Variants in SSBP2 observed in about 807,000 individuals in gnomAD.
SSBP2 encodes single stranded DNA binding protein 2.
SSBP2 carries 17 observed loss-of-function variants against 61.8 expected under a neutral mutation model. That is an observed-to-expected ratio of 0.28 (90% CI 0.19 to 0.41). SSBP2 has a LOEUF of 0.41. Ranked by LOEUF, SSBP2 falls within the 10% of genes least tolerant of loss-of-function variation. The pLI is 1.00. For missense variants in SSBP2, 310 were observed against 458.7 expected, an observed-to-expected ratio of 0.68 and a Z score of 2.96; for synonymous variants, 139 against 141.3, an observed-to-expected ratio of 0.98 and a Z score of 0.12.
intron 4 of SSBP2, among the ~76,000 whole-genome samples, chr5:81,540,651 G>A (rs887219533): frequency 2.7e-4 from 41 of 152,070 alleles, no homozygotes; most frequent in African/African-American, 9.4e-4. Flanking sequence ...TATGTACATT[G>A]TTTCTTTAGG....
In SSBP2 at chr5:81,640,832, C is replaced by A. The variant is rs569016187; in HGVS notation, c.136-4214G>T. On this transcript the variant is annotated intron_variant, in intron 2 of 16. Transcript: ENST00000320672. ...ATCCTTCTCTCAAACTTTTCTCTTA[C>A]CACTTTTTCACTAGTTGGTATCTTC... 2.1e-4 allele frequency among the ~76,000 whole-genome samples: 32 copies of A among 152,210 alleles called. No homozygotes were observed. The South Asian group carries it at 5.6e-3, about 27-fold the overall frequency.
intron 10 of SSBP2, among the ~76,000 whole-genome samples, chr5:81,451,851 C>T (rs1171471582): frequency 2.0e-5 from 3 of 151,106 alleles, no homozygotes; most frequent in African/African-American, 7.4e-5. Context: ...CAATTTTTTG[C>T]CCCGTCAAGC....
At chr5:81,467,673 T>C (rs1395576960) in intron 8 of SSBP2, among the ~76,000 whole-genome samples, 8 of 152,028 alleles carry the variant, frequency 5.3e-5, no homozygotes, top group Admixed American at 5.2e-4. Context: ...TTTTAACATG[T>C]ACATGTTATT....
chr5:81,600,247 T>G (rs1364630154), intron 4 of SSBP2, among the ~76,000 whole-genome samples: 1 of 152,088 alleles, frequency 6.6e-6, no homozygotes, highest in South Asian at 2.1e-4. Flanking sequence ...TTTACAAAGC[T>G]AAAGATCCTA....
At chr5:81,564,071 T>C (rs1426762219) in intron 4 of SSBP2, among the ~76,000 whole-genome samples, 1 of 151,988 alleles carries the variant, frequency 6.6e-6, no homozygotes, top group Admixed American at 6.6e-5. Flanking sequence ...ATGACCCAAT[T>C]AAAACGTGGG....
intron 1 of SSBP2, among the ~76,000 whole-genome samples, chr5:81,676,963 A>G (rs1363545570): frequency 6.6e-6 from 1 of 152,160 alleles, no homozygotes; most frequent in Non-Finnish European, 1.5e-5. Flanking sequence ...TCATAACTCT[A>G]TCAGAAAAAT....
At chr5:81,478,764 C>G (rs1206744961) in intron 6 of SSBP2, among the ~76,000 whole-genome samples, 1 of 152,184 alleles carries the variant, frequency 6.6e-6, no homozygotes, top group East Asian at 1.9e-4. Context: ...AACCACCATG[C>G]CTGGCCAGAT....
At chr5:81,648,348 T>C (rs1209641910) in intron 2 of SSBP2, among the ~76,000 whole-genome samples, 1 of 152,176 alleles carries the variant, frequency 6.6e-6, no homozygotes, top group Non-Finnish European at 1.5e-5. Flanking sequence ...AAATTTTTAT[T>C]ATACTGCATA....
chr5:81,435,262 G>A (rs1762602700), intron 15 of SSBP2, among the ~76,000 whole-genome samples: 1 of 152,216 alleles, frequency 6.6e-6, no homozygotes, highest in Non-Finnish European at 1.5e-5. Context: ...CTTGAGGGCA[G>A]AGAACATATC....
chr5:81,461,235 T>C (rs1167396380), intron 9 of SSBP2, 132 bp from the exon 10 acceptor site: 4 of 577,690 alleles, frequency 6.9e-6, no homozygotes, highest in Admixed American at 8.3e-5. Context: ...GAAATTACTC[T>C]CTTTATATTT....
At chr5:81,567,460 T>C (rs1439785131) in intron 4 of SSBP2, among the ~76,000 whole-genome samples, 3 of 152,168 alleles carry the variant, frequency 2.0e-5, no homozygotes, top group African/African-American at 7.2e-5. Context: ...AGAAGATGTA[T>C]AGAAACGCTT....
intron 4 of SSBP2, among the ~76,000 whole-genome samples, chr5:81,520,590 C>T (rs1046975933): frequency 6.6e-6 from 1 of 151,886 alleles, no homozygotes; most frequent in African/African-American, 2.4e-5. Flanking sequence ...CCAATTGTGG[C>T]CAGGTAAGAT....
intron 5 of SSBP2, among the ~76,000 whole-genome samples, chr5:81,506,980 C>G (rs556564332): frequency 2.5e-4 from 38 of 152,072 alleles, no homozygotes; most frequent in Non-Finnish European, 5.0e-4. Flanking sequence ...TTATATGGAG[C>G]CTTCCTTAGT....
chr5:81,624,120 C>T (rs1436774834), intron 3 of SSBP2, among the ~76,000 whole-genome samples: 1 of 151,980 alleles, frequency 6.6e-6, no homozygotes, highest in Non-Finnish European at 1.5e-5. Context: ...TTAAAAAAGC[C>T]CTACTCATCA....
intron 5 of SSBP2, among the ~76,000 whole-genome samples, chr5:81,505,073 A>G (rs972071925): frequency 6.6e-6 from 1 of 152,220 alleles, no homozygotes; most frequent in African/African-American, 2.4e-5. Context: ...GATCTCTCAT[A>G]GGCTACCTTT....
chr5:81,519,033 A>G lies in SSBP2; in HGVS notation c.283-5316T>C, dbSNP rs564869833. Reference sequence around the variant, plus strand: ...TTTTATGTAGGAGTTTTACATCTCTATTCTCAATGAGATGGGTCTAGAATG... The same window carrying G: ...TTTTATGTAGGAGTTTTACATCTCTGTTCTCAATGAGATGGGTCTAGAATG... On this transcript the variant is annotated intron_variant, in intron 4 of 16. Transcript: ENST00000320672. Among the ~76,000 whole-genome samples the G allele has an allele frequency of 3.3e-5, 5 of 152,224 alleles. No individual in the cohort carries two copies. In the East Asian group the frequency reaches 9.7e-4, roughly 29 times the overall value.
intron 1 of SSBP2, among the ~76,000 whole-genome samples, chr5:81,674,544 G>C (rs548518162): frequency 4.5e-4 from 69 of 152,156 alleles, no homozygotes; most frequent in Admixed American, 3.3e-3. Context: ...TAAACAGTAA[G>C]AGGTATATCA....
At chr5:81,727,348 G>A (rs1444120583) in intron 1 of SSBP2, among the ~76,000 whole-genome samples, 2 of 152,126 alleles carry the variant, frequency 1.3e-5, no homozygotes, top group African/African-American at 2.4e-5. Flanking sequence ...TCAGGAGTTC[G>A]AGACCAGCCT....
intron 4 of SSBP2, among the ~76,000 whole-genome samples, chr5:81,543,480 C>T (rs1373028629): frequency 5.3e-5 from 8 of 151,982 alleles, no homozygotes; most frequent in Non-Finnish European, 1.2e-4. Context: ...ACGATGCCAG[C>T]AATAGACACT....
Sources: allele counts gnomAD v4.1 joint callset (sites outside exome capture counted in the v4.1 genomes callset), GRCh38; gene constraint gnomAD v4.1.1; transcripts MANE v1.5; gene names NCBI Gene and HGNC (gene_info 2026-07-23, HGNC 2026-07-21).